The following CENPP variants were observed in gnomAD, a reference collection of about 807,000 sequenced individuals.
The protein encoded by CENPP is centromere protein P.
Under a neutral mutation model 35.6 loss-of-function variants are expected in CENPP, and 24 were observed. The observed-to-expected ratio is 0.67, with a 90% CI of 0.49 to 0.95. The LOEUF (loss-of-function observed/expected upper bound fraction) is 0.95, where lower values mean the gene tolerates loss of function less well. CENPP is among the 40% of genes least tolerant of loss of function. CENPP has a pLI of 0.00. For synonymous variants in CENPP, 120 were observed against 125.5 expected (o/e 0.96, Z 0.29); for missense variants, 332 against 345.3 (o/e 0.96, Z 0.31).
rs149958079 is a variant in CENPP at position 92,600,327 on chromosome 9, G to T, written c.565-10987G>T. 6.3e-5 allele frequency: 95 copies of T among 1,509,566 alleles called. 1 individual carries two copies. The East Asian group carries it at 1.7e-3, about 27-fold the overall frequency. The allele number at this position is 1,509,566 out of a possible 1,614,324, so 93.5% of individuals were successfully genotyped here. On this transcript the variant is annotated intron_variant, in intron 5 of 7. Coordinates refer to ENST00000375587, the MANE Select transcript of CENPP (RefSeq NM_001012267.3). Reference sequence around the variant, plus strand: ...TTATTCATGCTTGCATTTGCTGTTTGTTTATTAAAATTCCCCAGCTCTTCG... The same window carrying T: ...TTATTCATGCTTGCATTTGCTGTTTTTTTATTAAAATTCCCCAGCTCTTCG...
rs1462850507 is a variant in CENPP at position 92,596,306 on chromosome 9, AT to A, written c.565-15003del. 3.9e-5 allele frequency among the ~76,000 whole-genome samples: 6 copies of A among 152,052 alleles called. No individual in the cohort carries two copies. The East Asian group carries it at 9.7e-4, about 25-fold the overall frequency. On this transcript the variant is annotated intron_variant, in intron 5 of 7. Transcript: ENST00000375587. ...ACACCACCATGTCTAATTTTTAAAA[AT>A]TTTTGTAGAAATGGGGTCTCACTAT...
At chr9:92,333,583 T>C (rs1840824486) in intron 2 of CENPP, among the ~76,000 whole-genome samples, 1 of 152,208 alleles carries the variant, frequency 6.6e-6, no homozygotes, top group Non-Finnish European at 1.5e-5. Context: ...ATAGAAATTA[T>C]GAAGAAGAAA....
At chr9:92,428,182 C>T (rs1056480563) in intron 5 of CENPP, among the ~76,000 whole-genome samples, 42 of 152,120 alleles carry the variant, frequency 2.8e-4, no homozygotes, top group African/African-American at 9.2e-4. Context: ...AATTCATGGC[C>T]CATACTCACA....
At chr9:92,546,403 G>T (rs974971751) in intron 5 of CENPP, among the ~76,000 whole-genome samples, 1 of 152,006 alleles carries the variant, frequency 6.6e-6, no homozygotes, top group African/African-American at 2.4e-5. Flanking sequence ...TCACTCTTTG[G>T]GTCCACGCTG....
At chr9:92,546,649 C>G (rs577145017) in intron 5 of CENPP, among the ~76,000 whole-genome samples, 3 of 152,258 alleles carry the variant, frequency 2.0e-5, no homozygotes, top group African/African-American at 4.8e-5. Context: ...GGACACGCTG[C>G]CTTTAAGAAC....
Position 92,391,741 on chromosome 9 carries a change from T to G in CENPP, c.564+11882T>G, listed in dbSNP as rs376361386. On this transcript the variant is annotated intron_variant, in intron 5 of 7. Coordinates refer to ENST00000375587, the MANE Select transcript of CENPP (RefSeq NM_001012267.3). ...TATGAGAACTGGAACCAGAAGACAG[T>G]GTTACCTTGTTCAACCTCAGATGGG... Among the ~76,000 whole-genome samples the G allele has an allele frequency of 9.2e-5, 14 of 152,330 alleles. No homozygotes were observed. The South Asian group carries it at 2.5e-3, about 27-fold the overall frequency.
chr9:92,429,751 C>T (rs1844057112), intron 5 of CENPP, among the ~76,000 whole-genome samples: 1 of 152,014 alleles, frequency 6.6e-6, no homozygotes, highest in South Asian at 2.1e-4. Context: ...TGCACCATTG[C>T]ACTCTGACCT....
intron 5 of CENPP, among the ~76,000 whole-genome samples, chr9:92,387,409 A>T (rs542014387): frequency 2.6e-4 from 40 of 152,140 alleles, no homozygotes; most frequent in African/African-American, 9.4e-4. Flanking sequence ...TCTTAGCAAG[A>T]TGTTTCCCAA....
Position 92,417,081 on chromosome 9 carries a change from G to C in CENPP, c.564+37222G>C, listed in dbSNP as rs776555472. 9 of 1,613,910 alleles carry C rather than the reference G, an allele frequency of 5.6e-6. No individual in the cohort carries two copies. In the South Asian group the frequency reaches 9.9e-5, roughly 18 times the overall value. On this transcript the variant is annotated intron_variant, in intron 5 of 7. Transcript: ENST00000375587. Reference sequence around the variant, plus strand: ...AGGAGTCTTTCCAGAGATTTAGGAAGAGGAAATGGAAATTCTTCTAAATTA... The same window carrying C: ...AGGAGTCTTTCCAGAGATTTAGGAACAGGAAATGGAAATTCTTCTAAATTA...
chr9:92,546,329 G>A (rs1849445617), intron 5 of CENPP, among the ~76,000 whole-genome samples: 1 of 152,198 alleles, frequency 6.6e-6, no homozygotes. Context: ...CAACCCACCA[G>A]AGGTCCCCTT....
At chr9:92,435,806 T>C (rs11788231) in intron 5 of CENPP, among the ~76,000 whole-genome samples, 3,927 of 152,338 alleles carry the variant, frequency 0.026, 72 homozygotes, top group Non-Finnish European at 0.039. Flanking sequence ...GGTTTAACTG[T>C]CCACTGAAAA....
intron 5 of CENPP, among the ~76,000 whole-genome samples, chr9:92,453,374 G>A (rs975522615): frequency 1.3e-5 from 2 of 152,166 alleles, no homozygotes; most frequent in Non-Finnish European, 2.9e-5. Context: ...AGTCATTCAG[G>A]AGCAGGTTGT....
At chr9:92,539,546 A>G (rs1178489375) in intron 5 of CENPP, among the ~76,000 whole-genome samples, 1 of 152,034 alleles carries the variant, frequency 6.6e-6, no homozygotes, top group Non-Finnish European at 1.5e-5. Flanking sequence ...GAAATTAAGT[A>G]TAGCCTACTT....
At chr9:92,551,444 C>T (rs1849585109) in intron 5 of CENPP, among the ~76,000 whole-genome samples, 1 of 151,880 alleles carries the variant, frequency 6.6e-6, no homozygotes, top group South Asian at 2.1e-4. Flanking sequence ...CTCAAACAAT[C>T]CTCCCACCTT....
At chr9:92,524,496 T>G (rs1848270359) in intron 5 of CENPP, among the ~76,000 whole-genome samples, 1 of 152,202 alleles carries the variant, frequency 6.6e-6, no homozygotes, top group African/African-American at 2.4e-5. Flanking sequence ...CAATCTCTCT[T>G]GGCCTAAAGT....
At chr9:92,576,633 G>T (rs1266323767) in intron 5 of CENPP, among the ~76,000 whole-genome samples, 1 of 151,996 alleles carries the variant, frequency 6.6e-6, no homozygotes, top group African/African-American at 2.4e-5. Flanking sequence ...GGCATACAAT[G>T]CATTAAGATT....
At chr9:92,546,518 C>G (rs1386991223) in intron 5 of CENPP, among the ~76,000 whole-genome samples, 2 of 152,096 alleles carry the variant, frequency 1.3e-5, no homozygotes, top group African/African-American at 4.8e-5. Context: ...AGACGCACCG[C>G]CTTAAGAGCT....
intron 5 of CENPP, chr9:92,401,092 C>T: frequency 2.2e-6 from 3 of 1,368,148 alleles, no homozygotes; most frequent in African/African-American, 2.9e-5. Flanking sequence ...TGATACTTAC[C>T]ATCATTTTCT....
intron 5 of CENPP, among the ~76,000 whole-genome samples, chr9:92,503,499 T>G (rs534385085): frequency 6.6e-6 from 1 of 152,368 alleles, no homozygotes; most frequent in South Asian, 2.1e-4. Flanking sequence ...TTAAAGTTAA[T>G]TAACAGCCTT....
Sources: allele counts gnomAD v4.1 joint callset (sites outside exome capture counted in the v4.1 genomes callset), GRCh38; gene constraint gnomAD v4.1.1; transcripts MANE v1.5; gene names NCBI Gene and HGNC (gene_info 2026-07-23, HGNC 2026-07-21).